Variants in LRFN5 observed in about 807,000 individuals in gnomAD.
LRFN5 encodes leucine rich repeat and fibronectin type III domain containing 5.
In LRFN5, 24 loss-of-function variants were observed where a neutral mutation model predicts 45.6. The ratio of observed to expected loss-of-function variants is 0.53; its 90% confidence interval spans 0.38 to 0.74. LRFN5 has a LOEUF of 0.74. LRFN5 is among the 30% of genes least tolerant of loss of function. The pLI, the probability that LRFN5 is intolerant of heterozygous loss-of-function variation, is 0.00. For missense variants in LRFN5, 776 were observed against 861.5 expected, an observed-to-expected ratio of 0.90 and a Z score of 1.24; for synonymous variants, 340 against 313.8, an observed-to-expected ratio of 1.08 and a Z score of -0.88.
Position 41,709,748 on chromosome 14 carries a change from T to C in LRFN5, c.-196-57106T>C, listed in dbSNP as rs1351700871. On this transcript the variant is annotated intron_variant, in intron 1 of 5. Coordinates refer to ENST00000298119, the MANE Select transcript of LRFN5 (RefSeq NM_152447.5). ...AAAGCCAAAATAGCATAATAGGAAA[T>C]ATAAAAGATAATATAAGCTTATTTT... Among the ~76,000 whole-genome samples the C allele has an allele frequency of 2.6e-5, 4 of 152,126 alleles. No individual in the cohort carries two copies. The East Asian group carries it at 7.7e-4, about 29-fold the overall frequency.
chr14:41,757,088 A>G (rs976710920), intron 1 of LRFN5, among the ~76,000 whole-genome samples: 11 of 152,166 alleles, frequency 7.2e-5, no homozygotes, highest in Non-Finnish European at 1.6e-4. Flanking sequence ...GGTGAACAGC[A>G]AATGTTGCTG....
intron 1 of LRFN5, among the ~76,000 whole-genome samples, chr14:41,662,305 A>C (rs1880692170): frequency 6.6e-6 from 1 of 152,056 alleles, no homozygotes; most frequent in Admixed American, 6.6e-5. Context: ...AGGAATGCTT[A>C]TACATATTCA....
intron 2 of LRFN5, among the ~76,000 whole-genome samples, chr14:41,820,678 A>G (rs973146793): frequency 6.6e-6 from 1 of 151,934 alleles, no homozygotes; most frequent in African/African-American, 2.4e-5. Flanking sequence ...ATTTCAGAGT[A>G]ATTTCATTGG....
intron 1 of LRFN5, among the ~76,000 whole-genome samples, chr14:41,750,724 AG>A (rs1187705502): frequency 1.5e-4 from 23 of 152,114 alleles, no homozygotes; most frequent in East Asian, 1.9e-4. Context: ...ATTGCTGGGG[AG>A]GCCTCAGAAA....
chr14:41,669,997 TA>T (rs911199235), intron 1 of LRFN5, among the ~76,000 whole-genome samples: 75 of 149,796 alleles, frequency 5.0e-4, no homozygotes, highest in African/African-American at 1.4e-3. Flanking sequence ...AAAATATAGT[TA>T]AAAAAATTTG....
At chr14:41,772,818 A>T (rs1041101164) in intron 2 of LRFN5, among the ~76,000 whole-genome samples, 2 of 152,036 alleles carry the variant, frequency 1.3e-5, no homozygotes, top group Admixed American at 1.3e-4. Context: ...TCAATCTTTC[A>T]CTCCACAAAA....
At chr14:41,874,535 A>G (rs1037942447) in intron 2 of LRFN5, among the ~76,000 whole-genome samples, 1 of 152,100 alleles carries the variant, frequency 6.6e-6, no homozygotes, top group East Asian at 1.9e-4. Context: ...TTTATATAGA[A>G]TATTGTTCTT....
chr14:41,861,354 A>G (rs1889652572), intron 2 of LRFN5, among the ~76,000 whole-genome samples: 1 of 152,180 alleles, frequency 6.6e-6, no homozygotes, highest in South Asian at 2.1e-4. Context: ...TACTATAAAG[A>G]AGACCATTTC....
At chr14:41,649,397 G>C in intron 1 of LRFN5, among the ~76,000 whole-genome samples, 1 of 152,182 alleles carries the variant, frequency 6.6e-6, no homozygotes, top group East Asian at 1.9e-4. Context: ...TATTACCACT[G>C]TAGATCAAAA....
intron 1 of LRFN5, among the ~76,000 whole-genome samples, chr14:41,668,298 A>G (rs1391929154): frequency 6.6e-6 from 1 of 152,134 alleles, no homozygotes; most frequent in Non-Finnish European, 1.5e-5. Flanking sequence ...ATTTATTTTT[A>G]TAATCTAGAT....
intron 2 of LRFN5, among the ~76,000 whole-genome samples, chr14:41,866,314 T>A (rs946153643): frequency 7.9e-5 from 12 of 152,096 alleles, no homozygotes; most frequent in Non-Finnish European, 1.5e-4. Flanking sequence ...AAAAAAGAGA[T>A]CAGAGAGAAA....
chr14:41,621,584 G>A (rs1194777092), intron 1 of LRFN5, among the ~76,000 whole-genome samples: 1 of 152,080 alleles, frequency 6.6e-6, no homozygotes, highest in Admixed American at 6.6e-5. Flanking sequence ...TGGAGTTCAG[G>A]TTCTGTAACT....
At chr14:41,643,711 C>CCA (rs149767883) in intron 1 of LRFN5, among the ~76,000 whole-genome samples, 9,990 of 149,488 alleles carry the variant, frequency 0.067, 642 homozygotes, top group East Asian at 0.29. Flanking sequence ...CATAAACACA[C>CCA]CACACACACA....
At chr14:41,877,540 T>C (rs1161808758) in intron 2 of LRFN5, among the ~76,000 whole-genome samples, 1 of 151,928 alleles carries the variant, frequency 6.6e-6, no homozygotes, top group Non-Finnish European at 1.5e-5. Flanking sequence ...AAATTATTTG[T>C]TTTGTGTAAG....
At chr14:41,616,508 ATTAAG>A (rs1887929638) in intron 1 of LRFN5, among the ~76,000 whole-genome samples, 1 of 152,100 alleles carries the variant, frequency 6.6e-6, no homozygotes, top group South Asian at 2.1e-4. Context: ...TATTTACTAA[ATTAAG>A]TTTTGTTACC....
chr14:41,684,890 C>T (rs1008330258), intron 1 of LRFN5, among the ~76,000 whole-genome samples: 4 of 152,040 alleles, frequency 2.6e-5, no homozygotes, highest in African/African-American at 9.7e-5. Context: ...AAAATGTTTG[C>T]AAACTATCCA....
chr14:41,804,547 T>A (rs1887452774), intron 2 of LRFN5, among the ~76,000 whole-genome samples: 1 of 152,170 alleles, frequency 6.6e-6, no homozygotes, highest in Admixed American at 6.5e-5. Flanking sequence ...CCTCTCATCC[T>A]CCTAACCTGG....
rs186603632 is a variant in LRFN5, at chr14:41,864,924, C to A, written c.-20-21682C>A. Among the ~76,000 whole-genome samples, 95 of 151,692 alleles carry A rather than the reference C, an allele frequency of 6.3e-4. 1 individual carries two copies. The East Asian group carries it at 0.016, about 25-fold the overall frequency. ...TTTATATGATTTTATAATATATATT[C>A]TTAATTTATTACAAGATGACTTAGT... is the stretch of plus-strand genomic sequence containing the variant. On this transcript the variant is annotated intron_variant, in intron 2 of 5. Transcript: ENST00000298119.
At chr14:41,893,683 A>T (rs190859329) in intron 4 of LRFN5, 24 of 983,780 alleles carry the variant, frequency 2.4e-5, no homozygotes, top group Middle Eastern at 5.2e-4. Context: ...CTGATACACA[A>T]TGTATCATGA....
Sources: gnomAD v4.1 joint callset for allele counts (sites outside exome capture counted in the v4.1 genomes callset) on GRCh38, gnomAD v4.1.1 for gene constraint, MANE v1.5 for transcripts, NCBI Gene and HGNC (gene_info 2026-07-23, HGNC 2026-07-21) for gene names.